The following PLAAT5 variants were observed in gnomAD, a reference collection of about 807,000 sequenced individuals.
The protein encoded by PLAAT5 is phospholipase A and acyltransferase 5.
PLAAT5 carries 27 observed loss-of-function variants against 27.8 expected under a neutral mutation model. That is an observed-to-expected ratio of 0.97 (90% CI 0.72 to 1.34). The LOEUF is 1.34. PLAAT5 is among the 40% of genes most tolerant of loss of function. The pLI is 0.00. For missense variants in PLAAT5, 368 were observed against 343.8 expected (o/e 1.07, Z -0.56); for synonymous variants, 125 against 136.1 (o/e 0.92, Z 0.57).
intron 3 of PLAAT5, among the ~76,000 whole-genome samples, chr11:63,471,313 T>G (rs945084532): frequency 6.6e-6 from 1 of 152,202 alleles, no homozygotes; most frequent in African/African-American, 2.4e-5. Context: ...TGTATATAAC[T>G]TTAAAAGAAA....
At chr11:63,473,482 T>C (rs1200563436) in intron 3 of PLAAT5, among the ~76,000 whole-genome samples, 1 of 152,166 alleles carries the variant, frequency 6.6e-6, no homozygotes, top group Non-Finnish European at 1.5e-5. Context: ...AAACCCACAA[T>C]ATGTCTGAAG....
intron 3 of PLAAT5, among the ~76,000 whole-genome samples, chr11:63,471,654 G>A (rs538043685): frequency 2.6e-5 from 4 of 152,302 alleles, no homozygotes; most frequent in African/African-American, 9.6e-5. Context: ...TAAGTGTTCA[G>A]AGTAATATTC....
intron 3 of PLAAT5, among the ~76,000 whole-genome samples, chr11:63,483,784 A>AAAAAAAT (rs1397719113): frequency 4.6e-5 from 3 of 65,680 alleles, no homozygotes; most frequent in African/African-American, 2.9e-4. Flanking sequence ...GCAAAAAAAA[A>AAAAAAAT]ATATATATAT....
chr11:63,467,969 A>G (rs778135495), intron 4 of PLAAT5, among the ~76,000 whole-genome samples: 1 of 152,240 alleles, frequency 6.6e-6, no homozygotes, highest in Non-Finnish European at 1.5e-5. Flanking sequence ...GTGTCTGAGG[A>G]CTATAGAAAA....
rs1201794837 is a variant in PLAAT5, at chr11:63,463,194, A to G, written c.*309T>C. Reference sequence around the variant, plus strand: ...CACTCAAGCATCGGAGACCAAGGTCAGCCTAAGACACAAGCAAGGTCCCAT... The same window carrying G: ...CACTCAAGCATCGGAGACCAAGGTCGGCCTAAGACACAAGCAAGGTCCCAT... On this transcript the variant is annotated 3_prime_UTR_variant, in exon 6 of 6. Coordinates refer to ENST00000540857, the MANE Select transcript of PLAAT5 (RefSeq NM_001146729.2). 3.5e-6 allele frequency: 1 copy of G among 285,724 alleles called. No homozygotes were observed. The highest frequency in any genetic ancestry group is 2.2e-5 in the African/African-American group (1 of 46,236). 17.7% of individuals were successfully genotyped at this position (285,724 alleles called of 1,614,324 possible).
intron 3 of PLAAT5, among the ~76,000 whole-genome samples, chr11:63,487,835 A>G (rs1272125368): frequency 1.3e-5 from 2 of 152,264 alleles, no homozygotes; most frequent in African/African-American, 2.4e-5. Context: ...AAAAGCAACA[A>G]CATGGATGTC....
At chr11:63,482,149 T>G (rs1034203062) in intron 3 of PLAAT5, among the ~76,000 whole-genome samples, 3 of 152,200 alleles carry the variant, frequency 2.0e-5, no homozygotes, top group Admixed American at 6.5e-5. Flanking sequence ...AAATAATTAG[T>G]GTTCCTGAGG....
At position 63,462,246 on chromosome 11, in the gene PLAAT5, G is replaced by C. The variant is rs1191028087; in HGVS notation, c.*1257C>G. ...CTCAACCTAGACCATATAATGAATAGAGACTGAAGGAAGAGGTATTGGGAA... is the reference window on the plus strand; with the variant it reads ...CTCAACCTAGACCATATAATGAATACAGACTGAAGGAAGAGGTATTGGGAA... On this transcript the variant is annotated 3_prime_UTR_variant, in exon 6 of 6. Transcript: ENST00000540857. 1.3e-5 allele frequency: 2 copies of C among 152,186 alleles called. No homozygotes were observed. Among genetic ancestry groups the C allele is most frequent in the Non-Finnish European group, 1.5e-5 (1 of 68,038 alleles). The allele number at this position is 152,186 out of a possible 1,614,324, so 9.4% of individuals were successfully genotyped here.
rs756520378 is a variant in PLAAT5 at position 63,490,875 on chromosome 11, C to A, written c.148+12G>T. 7.5e-6 allele frequency: 12 copies of A among 1,597,702 alleles called. No individual in the cohort carries two copies. Among genetic ancestry groups the A allele is most frequent in the Non-Finnish European group, 1.0e-5 (12 of 1,172,854 alleles). ...TTGCGGATTGTCCTTCAGCCGCATT[C>A]TTGGGGCTGACCTGAGTGGGGCACA... On this transcript the variant is annotated intron_variant, in intron 1 of 5. Coordinates refer to ENST00000540857, the MANE Select transcript of PLAAT5 (RefSeq NM_001146729.2).
Position 63,463,647 on chromosome 11 carries a change from C to A in PLAAT5, c.718-52G>T, listed in dbSNP as rs566134064. On this transcript the variant is annotated intron_variant, in intron 5 of 5. Coordinates refer to ENST00000540857, the MANE Select transcript of PLAAT5 (RefSeq NM_001146729.2). ...AATCAGTACCAATCCTAGGCTTGCA[C>A]CCTCCCCTACCTCCACCCCACCATA... 166 of 1,407,062 alleles carry A rather than the reference C, an allele frequency of 1.2e-4. 1 individual carries two copies. The East Asian group carries it at 3.7e-3, about 32-fold the overall frequency. The allele number at this position is 1,407,062 out of a possible 1,614,324, so 87.2% of individuals were successfully genotyped here.
At chr11:63,486,187 T>G (rs2016429608) in intron 3 of PLAAT5, among the ~76,000 whole-genome samples, 1 of 152,170 alleles carries the variant, frequency 6.6e-6, no homozygotes, top group Admixed American at 6.5e-5. Context: ...CTGGTGGGGA[T>G]GTAAACTGAT....
intron 3 of PLAAT5, among the ~76,000 whole-genome samples, chr11:63,478,312 AC>A (rs1422904482): frequency 1.9e-4 from 28 of 150,130 alleles, no homozygotes; most frequent in African/African-American, 6.6e-4. Flanking sequence ...CTTTCTGAGA[AC>A]CAATAGACTT....
At chr11:63,466,752 T>C (rs1028092723) in intron 4 of PLAAT5, among the ~76,000 whole-genome samples, 4 of 152,128 alleles carry the variant, frequency 2.6e-5, no homozygotes, top group Non-Finnish European at 5.9e-5. Flanking sequence ...TGTCAGCTCA[T>C]GGGTAAAAGG....
chr11:63,479,354 C>T (rs1189595214), intron 3 of PLAAT5, among the ~76,000 whole-genome samples: 1 of 152,204 alleles, frequency 6.6e-6, no homozygotes, highest in African/African-American at 2.4e-5. Flanking sequence ...AAGCAGATGC[C>T]TCTGTCTTCA....
intron 3 of PLAAT5, among the ~76,000 whole-genome samples, chr11:63,472,984 C>T (rs2120258426): frequency 6.6e-6 from 1 of 152,124 alleles, no homozygotes; most frequent in Middle Eastern, 3.4e-3. Flanking sequence ...GTGGCACACG[C>T]CTGTAGTCCC....
chr11:63,486,942 C>T (rs185983400), intron 3 of PLAAT5, among the ~76,000 whole-genome samples: 4 of 152,314 alleles, frequency 2.6e-5, no homozygotes, highest in East Asian at 3.9e-4. Context: ...CCACCAAAGG[C>T]ACTATTCATA....
At chr11:63,483,846 C>CATAT (rs1315671302) in intron 3 of PLAAT5, among the ~76,000 whole-genome samples, 3 of 70,530 alleles carry the variant, frequency 4.3e-5, no homozygotes, top group South Asian at 5.0e-4. Context: ...TATATATACA[C>CATAT]ATATATATAT....
chr11:63,466,290 C>A lies in PLAAT5; in HGVS notation c.537G>T (p.Leu179=). The A allele has an allele frequency of 6.2e-7, 1 of 1,614,160 alleles. No homozygotes were observed. The highest frequency in any genetic ancestry group is 2.2e-5 in the East Asian group (1 of 44,888). Residue 179 remains leucine, a synonymous_variant, in exon 5 of 6, where the codon CTG becomes CTT. Coordinates refer to ENST00000540857, the MANE Select transcript of PLAAT5 (RefSeq NM_001146729.2). ...TATTGACCTTCCAGGAGCAGCCATG[C>A]AGCACATCCTCCAGACGACTGTATT... ...VVKYSRLEDV[L]HGCSWKVNNK...
chr11:63,481,395 G>A (rs186720515), intron 3 of PLAAT5, among the ~76,000 whole-genome samples: 26 of 152,306 alleles, frequency 1.7e-4, no homozygotes, highest in East Asian at 3.9e-4. Context: ...AGCCAAGATC[G>A]TGCCATTGCA....
Sources: allele counts gnomAD v4.1 joint callset (sites outside exome capture counted in the v4.1 genomes callset), GRCh38; gene constraint gnomAD v4.1.1; transcripts MANE v1.5; gene names NCBI Gene and HGNC (gene_info 2026-07-23, HGNC 2026-07-21).